The following PTPRD variants were observed in gnomAD, a reference collection of about 807,000 sequenced individuals.
PTPRD encodes protein tyrosine phosphatase receptor type D.
A neutral mutation model predicts 214.5 loss-of-function variants in PTPRD; 34 were observed. The observed-to-expected ratio is 0.16, with a 90% confidence interval of 0.12 to 0.21. The LOEUF (loss-of-function observed/expected upper bound fraction) is 0.21, where lower values mean the gene tolerates loss of function less well. Ranked by LOEUF, PTPRD falls within the 10% of genes least tolerant of loss-of-function variation. PTPRD has a pLI of 1.00. For synonymous variants in PTPRD, 1,128 were observed against 845.7 expected (o/e 1.33, Z -5.79); for missense variants, 2,545 against 2,398.7 (o/e 1.06, Z -1.27).
At chr9:8,858,207 C>T (rs1329075996) in intron 11 of PTPRD, 1 of 155,508 alleles carries the variant, frequency 6.4e-6, no homozygotes, top group Non-Finnish European at 1.4e-5. Context: ...CTCTTTCCTC[C>T]TTCCTGCTGC....
At chr9:9,630,208 C>T (rs2095546755) in intron 7 of PTPRD, among the ~76,000 whole-genome samples, 2 of 152,318 alleles carry the variant, frequency 1.3e-5, no homozygotes, top group Admixed American at 1.3e-4. Context: ...TGAAGATAAG[C>T]TCTTCTTAAT....
intron 14 of PTPRD, among the ~76,000 whole-genome samples, chr9:8,592,222 T>TAA (rs2154265472): frequency 6.6e-6 from 1 of 152,264 alleles, no homozygotes; most frequent in East Asian, 1.9e-4. Flanking sequence ...TAGCTCTTCT[T>TAA]AAAGTTTCAC....
At chr9:8,441,587 G>A (rs1013300497) in intron 34 of PTPRD, among the ~76,000 whole-genome samples, 1 of 151,870 alleles carries the variant, frequency 6.6e-6, no homozygotes, top group African/African-American at 2.4e-5. Flanking sequence ...CTGTGTGTAT[G>A]TGAATTAGAA....
At chr9:10,102,990 C>A (rs1338499096) in intron 3 of PTPRD, among the ~76,000 whole-genome samples, 1 of 151,430 alleles carries the variant, frequency 6.6e-6, no homozygotes, top group African/African-American at 2.4e-5. Context: ...CACTTTATGC[C>A]GACTTCAGGA....
chr9:8,501,675 TA>T (rs966961072), intron 23 of PTPRD, among the ~76,000 whole-genome samples: 1 of 152,060 alleles, frequency 6.6e-6, no homozygotes, highest in South Asian at 2.1e-4. Flanking sequence ...GTTTTAATAA[TA>T]AAAAAAATGT....
At chr9:9,589,600 T>C (rs143106418) in intron 7 of PTPRD, among the ~76,000 whole-genome samples, 1,714 of 152,180 alleles carry the variant, frequency 0.011, 20 homozygotes, top group Non-Finnish European at 0.017. Flanking sequence ...TAGATAACTT[T>C]TGCAGTAATT....
chr9:9,812,400 A>T (rs1406238971), intron 5 of PTPRD, among the ~76,000 whole-genome samples: 1 of 152,222 alleles, frequency 6.6e-6, no homozygotes, highest in Admixed American at 6.5e-5. Context: ...TTTGAAAAAA[A>T]AAAAGTTGCA....
At chr9:9,279,098 C>T (rs1439648102) in intron 9 of PTPRD, among the ~76,000 whole-genome samples, 5 of 150,928 alleles carry the variant, frequency 3.3e-5, no homozygotes, top group Non-Finnish European at 7.4e-5. Flanking sequence ...AAAAAGCTTA[C>T]CTCTGTCCAT....
intron 8 of PTPRD, among the ~76,000 whole-genome samples, chr9:9,519,649 G>T (rs1402813241): frequency 2.6e-5 from 4 of 151,812 alleles, no homozygotes; most frequent in Non-Finnish European, 5.9e-5. Context: ...ATAACAAAAG[G>T]TATGCAAAAT....
chr9:10,157,982 C>A (rs1046406744), intron 3 of PTPRD, among the ~76,000 whole-genome samples: 1 of 149,046 alleles, frequency 6.7e-6, no homozygotes, highest in African/African-American at 2.5e-5. Context: ...GTTTTTCAAC[C>A]CTATCAAGTT....
chr9:9,894,456 T>C (rs576938848), intron 5 of PTPRD, among the ~76,000 whole-genome samples: 63 of 152,212 alleles, frequency 4.1e-4, no homozygotes, highest in Non-Finnish European at 7.2e-4. Flanking sequence ...TTAAATTCAA[T>C]TTTTAACTTG....
At chr9:9,926,033 G>C (rs2084183317) in intron 5 of PTPRD, among the ~76,000 whole-genome samples, 1 of 151,918 alleles carries the variant, frequency 6.6e-6, no homozygotes, top group Non-Finnish European at 1.5e-5. Context: ...GTCTTTCTAT[G>C]TTGCCCAGGC....
intron 3 of PTPRD, among the ~76,000 whole-genome samples, chr9:10,106,735 T>C (rs1483054210): frequency 6.6e-6 from 1 of 151,982 alleles, no homozygotes; most frequent in African/African-American, 2.4e-5. Context: ...GTCTTTCTCT[T>C]TCTTTTTTAA....
chr9:9,712,619 T>C (rs1488675469), intron 7 of PTPRD, among the ~76,000 whole-genome samples: 1 of 152,162 alleles, frequency 6.6e-6, no homozygotes, highest in Admixed American at 6.5e-5. Context: ...TATTCTATGA[T>C]ACACTGCCAT....
At chr9:9,971,918 CATTGCTGG>C (rs2095123039) in intron 4 of PTPRD, among the ~76,000 whole-genome samples, 1 of 152,064 alleles carries the variant, frequency 6.6e-6, no homozygotes, top group South Asian at 2.1e-4. Context: ...TCTTTGGAAA[CATTGCTGG>C]TAACATATTA....
At chr9:8,869,490 C>T (rs1586964927) in intron 11 of PTPRD, among the ~76,000 whole-genome samples, 1 of 152,236 alleles carries the variant, frequency 6.6e-6, no homozygotes, top group South Asian at 2.1e-4. Flanking sequence ...TTATGGCTGA[C>T]CCAGACTCAT....
chr9:8,771,995 G>C (rs1194789255), intron 11 of PTPRD, among the ~76,000 whole-genome samples: 1 of 151,936 alleles, frequency 6.6e-6, no homozygotes, highest in Non-Finnish European at 1.5e-5. Flanking sequence ...ATAAATGCTT[G>C]AGATGGATAC....
chr9:8,376,070 T>C lies in PTPRD; in HGVS notation c.4527A>G (p.Arg1509=), dbSNP rs746979978. Residue 1509 remains arginine, a synonymous_variant, in exon 39 of 46, where the codon AGA becomes AGG. Coordinates refer to ENST00000381196, the MANE Select transcript of PTPRD (RefSeq NM_002839.4). Reference sequence around the variant, plus strand: ...CGGTGAACTGGAATTGTCTCACTTCTCTCTTCTCACTTGAACCATTCTGTG... The same window carrying C: ...CGGTGAACTGGAATTGTCTCACTTCCCTCTTCTCACTTGAACCATTCTGTG... ...ALYKNGSSEK[R]EVRQFQFTAW... 6.2e-7 allele frequency: 1 copy of C among 1,612,764 alleles called. No individual in the cohort carries two copies. Among genetic ancestry groups the C allele is most frequent in the South Asian group, 1.1e-5 (1 of 91,050 alleles).
In PTPRD at chr9:9,016,170, G is replaced by A. The variant is rs531405939; in HGVS notation, c.-104+2527C>T. Among the ~76,000 whole-genome samples the A allele has an allele frequency of 5.1e-4, 77 of 152,208 alleles. 1 individual carries two copies. The highest frequency in any genetic ancestry group is 8.7e-4 in the Non-Finnish European group (59 of 68,012). ...GCAGGTGTCACCCTCCTTGGGAAGC[G>A]AAATTGCTTTTCCTCTCCCTCAAAC... On this transcript the variant is annotated intron_variant, in intron 11 of 45. Transcript: ENST00000381196.
Sources: allele counts gnomAD v4.1 joint callset (sites outside exome capture counted in the v4.1 genomes callset), GRCh38; gene constraint gnomAD v4.1.1; transcripts MANE v1.5; gene names NCBI Gene and HGNC (gene_info 2026-07-23, HGNC 2026-07-21).